Variants in FBXL20 observed in about 807,000 individuals in gnomAD.
FBXL20 encodes F-box/LRR-repeat protein 20.
FBXL20 carries 11 observed loss-of-function variants against 64.0 expected under a neutral mutation model. The ratio of observed to expected loss-of-function variants is 0.17; its 90% confidence interval spans 0.11 to 0.28. FBXL20 has a LOEUF of 0.28. Ranked by LOEUF, FBXL20 falls within the 10% of genes least tolerant of loss-of-function variation. FBXL20 has a pLI of 1.00. For missense variants in FBXL20, 303 were observed against 526.2 expected (o/e 0.58, Z 4.15); for synonymous variants, 184 against 189.0 (o/e 0.97, Z 0.22).
chr17:39,347,961 T>A (rs2047650344), intron 1 of FBXL20, among the ~76,000 whole-genome samples: 1 of 152,144 alleles, frequency 6.6e-6, no homozygotes, highest in African/African-American at 2.4e-5. Context: ...CCTTTCTCCA[T>A]TTCTTGATTT....
At chr17:39,337,595 G>A (rs1245989179) in intron 2 of FBXL20, among the ~76,000 whole-genome samples, 52 of 148,384 alleles carry the variant, frequency 3.5e-4, no homozygotes, top group East Asian at 8.2e-4. Context: ...CTGCCCGGCC[G>A]CGACCCCGTC....
At chr17:39,267,757 A>G (rs2046804917) in intron 12 of FBXL20, among the ~76,000 whole-genome samples, 1 of 152,216 alleles carries the variant, frequency 6.6e-6, no homozygotes, top group East Asian at 1.9e-4. Context: ...CAGGGGCTAC[A>G]AAATGGTAGA....
chr17:39,266,017 A>G (rs935053231), intron 12 of FBXL20, among the ~76,000 whole-genome samples: 6 of 149,342 alleles, frequency 4.0e-5, no homozygotes. Flanking sequence ...GAGTGTTGAG[A>G]TGACAGGTGT....
At chr17:39,326,674 G>A (rs1409219631) in intron 2 of FBXL20, among the ~76,000 whole-genome samples, 1 of 151,544 alleles carries the variant, frequency 6.6e-6, no homozygotes, top group Non-Finnish European at 1.5e-5. Context: ...CTGGAGTGCA[G>A]TGATGCTATC....
intron 1 of FBXL20, among the ~76,000 whole-genome samples, chr17:39,363,834 C>CAAAAAAAAAAAAAAAA: frequency 1.7e-5 from 1 of 59,410 alleles, no homozygotes; most frequent in Admixed American, 1.8e-4. Flanking sequence ...AAACAAAAAA[C>CAAAAAAAAAAAAAAAA]AAAAAAAAAA....
In FBXL20 at chr17:39,261,563, T is replaced by C; in HGVS notation, c.1208A>G (p.His403Arg). 1 of 1,610,064 alleles carries C rather than the reference T, an allele frequency of 6.2e-7. No individual in the cohort carries two copies. Among genetic ancestry groups the C allele is most frequent in the Non-Finnish European group, 8.5e-7 (1 of 1,176,856 alleles). Residue 403 changes from histidine (H) to arginine (R), a missense_variant, in exon 15 of 15, where the codon CAT becomes CGT. Physicochemically the swap from His to Arg is conservative, Grantham distance 29 (BLOSUM62 0). This residue lies in a region of FBXL20 where 56 missense variants were observed against 86.0 expected (regional missense o/e 0.65). Coordinates refer to ENST00000264658, the MANE Select transcript of FBXL20 (RefSeq NM_032875.3). ...TRAGIKRLRTHLPNIKVHAYF... is the reference protein window; with the variant it reads ...TRAGIKRLRTRLPNIKVHAYF... ...GGCGTGGACTTTAATATTGGGTAAA[T>C]GGGTCTGAAACAAGACAGAAACATT...
intron 2 of FBXL20, among the ~76,000 whole-genome samples, chr17:39,338,503 C>T (rs1229842291): frequency 1.3e-5 from 2 of 151,316 alleles, no homozygotes; most frequent in Admixed American, 1.3e-4. Flanking sequence ...GCCAAATCCC[C>T]CTCTGCGAGA....
At chr17:39,262,599 G>A (rs1419273147) in intron 14 of FBXL20, among the ~76,000 whole-genome samples, 1 of 152,048 alleles carries the variant, frequency 6.6e-6, no homozygotes, top group Non-Finnish European at 1.5e-5. Context: ...GGTATTAAGG[G>A]CCTGAATAAG....
At chr17:39,283,212 A>G (rs2046962291) in intron 7 of FBXL20, among the ~76,000 whole-genome samples, 1 of 152,194 alleles carries the variant, frequency 6.6e-6, no homozygotes, top group African/African-American at 2.4e-5. Flanking sequence ...TCTGATTCAA[A>G]ACGAGATTCT....
Position 39,270,861 on chromosome 17 carries a change from T to TA in FBXL20, c.828-6dup, listed in dbSNP as rs11307198. The TA allele has an allele frequency of 0.019, 25,116 of 1,344,968 alleles. 498 individuals are homozygous for TA. Among genetic ancestry groups the TA allele is most frequent in the African/African-American group, 0.17 (10,911 of 65,576 alleles). 83.3% of individuals were successfully genotyped at this position (1,344,968 alleles called of 1,614,324 possible). A position where few individuals can be genotyped will look rare whatever the true frequency, so the allele number is the denominator to read the frequency against. On this transcript the variant is annotated splice_polypyrimidine_tract_variant and splice_region_variant and intron_variant, in intron 10 of 14. Transcript: ENST00000264658. ...CATCTTGCCACTTCCAATATTCTGTTAAAAAAAAAAAAAAAACAGTGAAAG... is the reference window on the plus strand; with the variant it reads ...CATCTTGCCACTTCCAATATTCTGTTAAAAAAAAAAAAAAAAACAGTGAAAG...
chr17:39,268,813 A>G lies in FBXL20; in HGVS notation c.933+14T>C. The G allele has an allele frequency of 6.2e-7, 1 of 1,609,608 alleles. No homozygotes were observed. The highest frequency in any genetic ancestry group is 1.1e-5 in the South Asian group (1 of 90,744). On this transcript the variant is annotated intron_variant, in intron 12 of 14. Transcript: ENST00000264658. ...TACTATACTGTATTTCTGAATTAAA[A>G]TCTACAATCTTACCTGAACACACTC...
intron 14 of FBXL20, among the ~76,000 whole-genome samples, chr17:39,261,909 C>T (rs1187331581): frequency 1.3e-5 from 2 of 151,918 alleles, no homozygotes; most frequent in Non-Finnish European, 2.9e-5. Flanking sequence ...GGTGAAACCC[C>T]GTTTCTACTA....
chr17:39,382,204 G>A (rs1237978773), intron 1 of FBXL20, among the ~76,000 whole-genome samples: 1 of 152,044 alleles, frequency 6.6e-6, no homozygotes, highest in Non-Finnish European at 1.5e-5. Context: ...AGCACTTTGG[G>A]AGGCCGAGGT....
chr17:39,382,939 A>G (rs2048040015), intron 1 of FBXL20, among the ~76,000 whole-genome samples: 1 of 151,910 alleles, frequency 6.6e-6, no homozygotes, highest in African/African-American at 2.4e-5. Context: ...GGCAGATCAC[A>G]AGGTCAAGAG....
intron 1 of FBXL20, among the ~76,000 whole-genome samples, chr17:39,349,422 C>A (rs1291076307): frequency 6.9e-6 from 1 of 144,034 alleles, no homozygotes; most frequent in Non-Finnish European, 1.5e-5. Flanking sequence ...TGTCAGCACT[C>A]AAAATCTTTC....
At chr17:39,374,012 A>T (rs963053948) in intron 1 of FBXL20, among the ~76,000 whole-genome samples, 1 of 151,414 alleles carries the variant, frequency 6.6e-6, no homozygotes, top group Non-Finnish European at 1.5e-5. Context: ...ATTTGAAGTC[A>T]GGAGTTCAAG....
chr17:39,289,523 G>A (rs1164413517), intron 6 of FBXL20, among the ~76,000 whole-genome samples: 6 of 152,056 alleles, frequency 3.9e-5, no homozygotes, highest in African/African-American at 7.2e-5. Context: ...CAGGCATGGT[G>A]ACACACACCT....
intron 1 of FBXL20, among the ~76,000 whole-genome samples, chr17:39,358,990 T>C (rs773698394): frequency 4.0e-4 from 61 of 152,040 alleles, no homozygotes; most frequent in Middle Eastern, 3.4e-3. Context: ...AAAATGCAAA[T>C]CAAAACCACA....
intron 7 of FBXL20, 52 bp downstream of exon 7, chr17:39,285,426 A>T (rs679995): frequency 0.24 from 292,621 of 1,209,196 alleles, 38,691 homozygotes; most frequent in African/African-American, 0.47. Flanking sequence ...TTATTTTTTT[A>T]AAATATGTAT....
Sources: gnomAD v4.1 joint callset for allele counts (sites outside exome capture counted in the v4.1 genomes callset) on GRCh38, gnomAD v4.1.1 for gene constraint, gnomAD v4.1.1 regional missense constraint, MANE v1.5 for transcripts, NCBI Gene and HGNC (gene_info 2026-07-23, HGNC 2026-07-21) for gene names.